The following CCDC141 variants were observed in gnomAD, a reference collection of about 807,000 sequenced individuals.
The protein encoded by CCDC141 is coiled-coil domain-containing protein 141.
A neutral mutation model predicts 181.0 loss-of-function variants in CCDC141; 168 were observed. That is an observed-to-expected ratio of 0.93 (90% CI 0.82 to 1.05). CCDC141 has a LOEUF of 1.05. Ranked by LOEUF, CCDC141 falls within the 50% of genes least tolerant of loss-of-function variation. The probability of loss-of-function intolerance (pLI) is 0.00; values close to 1 mark genes in which losing one functional copy is unlikely to be tolerated. For missense variants in CCDC141, 1,902 were observed against 1,788.5 expected (o/e 1.06, Z -1.14); for synonymous variants, 666 against 642.3 (o/e 1.04, Z -0.56).
chr2:178,866,714 G>GT (rs1685869382), intron 16 of CCDC141, among the ~76,000 whole-genome samples: 1 of 151,778 alleles, frequency 6.6e-6, no homozygotes, highest in African/African-American at 2.4e-5. Flanking sequence ...TGTTGTTTCT[G>GT]TTTTTTTGTT....
chr2:179,047,178 T>C, intron 2 of CCDC141, 106 bp downstream of exon 2: 2 of 924,186 alleles, frequency 2.2e-6, no homozygotes, highest in Non-Finnish European at 3.0e-6. Flanking sequence ...CCTGGTACCA[T>C]ATTAAAGTGG....
intron 2 of CCDC141, among the ~76,000 whole-genome samples, chr2:179,017,132 A>C (rs2042564942): frequency 6.6e-6 from 1 of 152,106 alleles, no homozygotes. Context: ...AGATATTTTG[A>C]ACTTTTAAAT....
rs910105864 is a variant in CCDC141 at position 178,918,703 on chromosome 2, T to C, written c.1092+10A>G. 2.6e-6 allele frequency: 4 copies of C among 1,548,106 alleles called. No homozygotes were observed. Among genetic ancestry groups the C allele is most frequent in the Non-Finnish European group, 3.5e-6 (4 of 1,145,210 alleles). ...ATTACCGAAAATTATCAACTTGACC[T>C]CACACTGACCTTGTTAGCACTGTTA... is the stretch of plus-strand genomic sequence containing the variant. On this transcript the variant is annotated intron_variant, in intron 7 of 23. Coordinates refer to ENST00000443758, the MANE Select transcript of CCDC141 (RefSeq NM_173648.4).
intron 2 of CCDC141, among the ~76,000 whole-genome samples, chr2:179,015,209 A>ATATCATATATC: frequency 7.9e-6 from 1 of 126,228 alleles, no homozygotes; most frequent in Middle Eastern, 5.7e-3. Flanking sequence ...TATCATATAT[A>ATATCATATATC]TCATATATCT....
intron 2 of CCDC141, among the ~76,000 whole-genome samples, chr2:179,013,517 A>G (rs1349718979): frequency 6.6e-6 from 1 of 152,212 alleles, no homozygotes; most frequent in Non-Finnish European, 1.5e-5. Flanking sequence ...TAGAATCAAT[A>G]TTGTGAAAAT....
At chr2:178,950,145 C>CA (rs1191766315) in intron 5 of CCDC141, among the ~76,000 whole-genome samples, 1 of 152,110 alleles carries the variant, frequency 6.6e-6, no homozygotes, top group Non-Finnish European at 1.5e-5. Flanking sequence ...CTATTAAGTA[C>CA]AAAAAACTGA....
In CCDC141 at chr2:178,834,330, T is replaced by C. The variant is rs1322098743; in HGVS notation, c.4436A>G (p.Tyr1479Cys). Residue 1479 changes from tyrosine to cysteine, a missense_variant, in exon 24 of 24, where the codon TAT (tyrosine) becomes TGT (cysteine). Physicochemically the swap from Tyr to Cys is radical, Grantham distance 194. Coordinates refer to ENST00000443758, the MANE Select transcript of CCDC141 (RefSeq NM_173648.4). ...GCTAGAGTTTTGGGCCCGAGCCACA[T>C]AGAGGCCTGCGTCTGCCTTGCATAC... Reference protein sequence around the residue: ...PKVCKADAGLYVARAQNSSGA... With the variant: ...PKVCKADAGLCVARAQNSSGA... The C allele has an allele frequency of 7.8e-6, 12 of 1,535,900 alleles. No individual in the cohort carries two copies. The highest frequency in any genetic ancestry group is 8.7e-6 in the Non-Finnish European group (10 of 1,146,772).
At chr2:178,951,782 G>A (rs1689960676) in intron 5 of CCDC141, among the ~76,000 whole-genome samples, 2 of 152,292 alleles carry the variant, frequency 1.3e-5, no homozygotes, top group South Asian at 2.1e-4. Context: ...GATAGCTCAG[G>A]CAGCAACAGC....
chr2:178,956,546 G>T (rs1202457426), intron 5 of CCDC141, among the ~76,000 whole-genome samples: 5 of 152,078 alleles, frequency 3.3e-5, no homozygotes, highest in Admixed American at 6.5e-5. Flanking sequence ...CAAGCAGTTT[G>T]CCCGCCTCAC....
chr2:178,848,197 G>A (rs772537771), intron 21 of CCDC141, among the ~76,000 whole-genome samples: 22 of 152,178 alleles, frequency 1.4e-4, no homozygotes, highest in Admixed American at 3.9e-4. Flanking sequence ...ACAGAAGGTC[G>A]TGTCCTTGAA....
At chr2:178,972,231 T>A (rs1428702334) in intron 4 of CCDC141, among the ~76,000 whole-genome samples, 1 of 152,168 alleles carries the variant, frequency 6.6e-6, no homozygotes, top group Non-Finnish European at 1.5e-5. Context: ...GCAGTTGTCA[T>A]TCTTTGGAGC....
intron 8 of CCDC141, among the ~76,000 whole-genome samples, chr2:178,903,820 G>A (rs147814473): frequency 2.9e-3 from 440 of 151,298 alleles, no homozygotes; most frequent in African/African-American, 9.5e-3. Context: ...GGAACATGCC[G>A]CAAGCAAAGA....
chr2:178,895,504 G>A (rs538413155), intron 8 of CCDC141, among the ~76,000 whole-genome samples: 2 of 152,284 alleles, frequency 1.3e-5, no homozygotes, highest in African/African-American at 4.8e-5. Flanking sequence ...GATACTTTAT[G>A]AGAACCTAGT....
intron 4 of CCDC141, among the ~76,000 whole-genome samples, chr2:178,968,614 A>G (rs1690739822): frequency 6.6e-6 from 1 of 152,226 alleles, no homozygotes; most frequent in Non-Finnish European, 1.5e-5. Flanking sequence ...TTATAGCACT[A>G]AAAGCCCACA....
chr2:179,021,030 T>C (rs2042677921), intron 2 of CCDC141, among the ~76,000 whole-genome samples: 1 of 152,210 alleles, frequency 6.6e-6, no homozygotes. Flanking sequence ...TACTGTTCAG[T>C]CTTCCATAAA....
chr2:179,046,473 T>C (rs931809205), intron 2 of CCDC141, among the ~76,000 whole-genome samples: 1 of 152,200 alleles, frequency 6.6e-6, no homozygotes, highest in African/African-American at 2.4e-5. Context: ...TGCCACCTCT[T>C]ATAGCTGGAG....
At position 178,852,614 on chromosome 2, in the gene CCDC141, G is replaced by A. The variant is rs566530549; in HGVS notation, c.3244+827C>T. On this transcript the variant is annotated intron_variant, in intron 20 of 23. Transcript: ENST00000443758. ...CAAAATTTATGGCTCTCCATGGATA[G>A]TGTTTCATGTTATAAGAGAAAATAC... is the stretch of plus-strand genomic sequence containing the variant. 2.0e-5 allele frequency among the ~76,000 whole-genome samples: 3 copies of A among 152,294 alleles called. No homozygotes were observed. In the East Asian group the frequency reaches 5.8e-4, roughly 29 times the overall value.
At chr2:178,867,103 C>T (rs918622661) in intron 16 of CCDC141, among the ~76,000 whole-genome samples, 3 of 152,100 alleles carry the variant, frequency 2.0e-5, no homozygotes, top group Non-Finnish European at 4.4e-5. Context: ...TTTTGAAGTC[C>T]GACAGTGGCA....
intron 19 of CCDC141, among the ~76,000 whole-genome samples, chr2:178,854,333 G>C (rs1030303620): frequency 6.6e-5 from 10 of 152,026 alleles, no homozygotes; most frequent in African/African-American, 2.4e-4. Flanking sequence ...GACCATCCTG[G>C]CTAACACGGT....
Sources: gnomAD v4.1 joint callset for allele counts (sites outside exome capture counted in the v4.1 genomes callset) on GRCh38, gnomAD v4.1.1 for gene constraint, MANE v1.5 for transcripts, NCBI Gene and HGNC (gene_info 2026-07-23, HGNC 2026-07-21) for gene names.